EBF1: variants seen among roughly 807,000 people sequenced by gnomAD.
EBF1 encodes the protein EBF transcription factor 1.
In EBF1, 10 loss-of-function variants were observed where a neutral mutation model predicts 68.4. The ratio of observed to expected loss-of-function variants is 0.15; its 90% CI spans 0.09 to 0.25. The LOEUF (loss-of-function observed/expected upper bound fraction) is 0.25, where lower values mean the gene tolerates loss of function less well. Among genes scored for constraint, EBF1 ranks in the 10% least tolerant of loss-of-function variants. The pLI is 1.00. For synonymous variants in EBF1, 298 were observed against 299.8 expected (o/e 0.99, Z 0.06); for missense variants, 509 against 794.4 (o/e 0.64, Z 4.32).
intron 11 of EBF1, among the ~76,000 whole-genome samples, chr5:158,719,912 T>C (rs1367411429): frequency 2.0e-5 from 3 of 151,934 alleles, no homozygotes; most frequent in Non-Finnish European, 4.4e-5. Flanking sequence ...GAATGTAGAT[T>C]GAAACAGAAA....
chr5:159,015,599 C>T (rs1407179489), intron 6 of EBF1, among the ~76,000 whole-genome samples: 2 of 152,184 alleles, frequency 1.3e-5, no homozygotes, highest in Non-Finnish European at 2.9e-5. Context: ...GAATGCCTCC[C>T]CATGCCAGGC....
chr5:158,802,787 C>G (rs1780850005), intron 8 of EBF1, among the ~76,000 whole-genome samples: 1 of 152,094 alleles, frequency 6.6e-6, no homozygotes, highest in Admixed American at 6.6e-5. Context: ...CAGCAAAATA[C>G]ACAGAAAATG....
At chr5:158,719,366 C>T (rs1330557338) in intron 11 of EBF1, among the ~76,000 whole-genome samples, 1 of 152,144 alleles carries the variant, frequency 6.6e-6, no homozygotes, top group Non-Finnish European at 1.5e-5. Context: ...TAGCTGTACT[C>T]TTAGGCCCTT....
intron 10 of EBF1, among the ~76,000 whole-genome samples, chr5:158,776,994 A>G (rs1362971177): frequency 6.6e-6 from 1 of 152,196 alleles, no homozygotes; most frequent in South Asian, 2.1e-4. Flanking sequence ...CCAGAATTAA[A>G]TATGAAAACT....
chr5:159,028,526 C>A (rs1241422586), intron 6 of EBF1, among the ~76,000 whole-genome samples: 1 of 152,136 alleles, frequency 6.6e-6, no homozygotes, highest in Non-Finnish European at 1.5e-5. Flanking sequence ...CCCGTTCACA[C>A]AGAATTGCCA....
At chr5:158,877,441 C>T (rs1798017338) in intron 6 of EBF1, among the ~76,000 whole-genome samples, 1 of 146,526 alleles carries the variant, frequency 6.8e-6, no homozygotes, top group Non-Finnish European at 1.5e-5. Context: ...CTTGTACCAG[C>T]GTCCCAGCCA....
intron 6 of EBF1, among the ~76,000 whole-genome samples, chr5:159,030,307 C>CT (rs1317770897): frequency 5.9e-5 from 9 of 151,764 alleles, no homozygotes; most frequent in Non-Finnish European, 1.0e-4. Flanking sequence ...CTTTTCTAAC[C>CT]TTTTTTTAAT....
At chr5:158,922,963 A>T (rs550971243) in intron 6 of EBF1, among the ~76,000 whole-genome samples, 14 of 152,324 alleles carry the variant, frequency 9.2e-5, no homozygotes, top group Non-Finnish European at 1.9e-4. Flanking sequence ...CAAAGTAAGA[A>T]GTAAGTGGCT....
intron 8 of EBF1, among the ~76,000 whole-genome samples, chr5:158,816,759 T>A (rs1783829638): frequency 6.6e-6 from 1 of 151,826 alleles, no homozygotes; most frequent in Admixed American, 6.6e-5. Context: ...CTAAGCCACT[T>A]ACGAAAAACT....
intron 6 of EBF1, among the ~76,000 whole-genome samples, chr5:158,862,560 G>A (rs1388116453): frequency 6.6e-6 from 1 of 152,112 alleles, no homozygotes; most frequent in Non-Finnish European, 1.5e-5. Flanking sequence ...CACTGTGCCT[G>A]CTACAGGGCT....
intron 15 of EBF1, among the ~76,000 whole-genome samples, chr5:158,700,246 T>C (rs1274416946): frequency 6.6e-6 from 1 of 152,266 alleles, no homozygotes; most frequent in Non-Finnish European, 1.5e-5. Flanking sequence ...CTTTGTGTGA[T>C]TGCTGGGAAG....
chr5:158,937,650 A>G (rs1812333617), intron 6 of EBF1, among the ~76,000 whole-genome samples: 1 of 152,230 alleles, frequency 6.6e-6, no homozygotes. Context: ...AGCGGGCTCT[A>G]TTCGAGTGCG....
chr5:158,932,101 GAAGCACTTTGGT>G (rs1283910004), intron 6 of EBF1, among the ~76,000 whole-genome samples: 2 of 152,164 alleles, frequency 1.3e-5, no homozygotes, highest in Non-Finnish European at 2.9e-5. Flanking sequence ...GCCTCTCTGG[GAAGCACTTTGGT>G]ATTGCATCAA....
chr5:158,947,688 C>A (rs886126331), intron 6 of EBF1, among the ~76,000 whole-genome samples: 11 of 152,208 alleles, frequency 7.2e-5, no homozygotes, highest in African/African-American at 2.7e-4. Flanking sequence ...TATGCCATGA[C>A]AATCTATAAC....
chr5:158,842,177 G>C (rs1456412139), intron 6 of EBF1, among the ~76,000 whole-genome samples: 1 of 152,238 alleles, frequency 6.6e-6, no homozygotes, highest in East Asian at 1.9e-4. Context: ...GGGGTTAAGG[G>C]AGTGGCCCAA....
chr5:159,093,643 A>C (rs964964285), intron 4 of EBF1, among the ~76,000 whole-genome samples: 1 of 152,170 alleles, frequency 6.6e-6, no homozygotes, highest in Admixed American at 6.5e-5. Flanking sequence ...TGCTTTAAAA[A>C]TATCAAAAGA....
chr5:159,059,858 A>G (rs1384991165), intron 6 of EBF1, among the ~76,000 whole-genome samples: 1 of 152,220 alleles, frequency 6.6e-6, no homozygotes, highest in Non-Finnish European at 1.5e-5. Context: ...AATGAGATAA[A>G]TGAATAAAAC....
At chr5:158,790,484 G>T (rs548577531) in intron 9 of EBF1, among the ~76,000 whole-genome samples, 28 of 150,778 alleles carry the variant, frequency 1.9e-4, no homozygotes, top group Non-Finnish European at 3.4e-4. Context: ...ATATCTCCCT[G>T]TAAGGTGATC....
At chr5:158,886,181 A>G (rs931295049) in intron 6 of EBF1, among the ~76,000 whole-genome samples, 1 of 152,262 alleles carries the variant, frequency 6.6e-6, no homozygotes, top group East Asian at 1.9e-4. Flanking sequence ...AAGCAAAGTC[A>G]TAATTCAAGG....
Sources: allele counts gnomAD v4.1 joint callset (sites outside exome capture counted in the v4.1 genomes callset), GRCh38; gene constraint gnomAD v4.1.1; transcripts MANE v1.5; gene names NCBI Gene and HGNC (gene_info 2026-07-23, HGNC 2026-07-21).